Variants in ANKS1B observed in about 807,000 individuals in gnomAD.
The protein encoded by ANKS1B is ankyrin repeat and sterile alpha motif domain-containing protein 1B.
A neutral mutation model predicts 148.3 loss-of-function variants in ANKS1B; 36 were observed. That is an observed-to-expected ratio of 0.24 (90% CI 0.19 to 0.32). ANKS1B has a LOEUF of 0.32. Ranked by LOEUF, ANKS1B falls within the 10% of genes least tolerant of loss-of-function variation. ANKS1B has a pLI of 1.00. For missense variants in ANKS1B, 1,157 were observed against 1,542.6 expected (o/e 0.75, Z 4.19); for synonymous variants, 542 against 560.8 (o/e 0.97, Z 0.47).
intron 8 of ANKS1B, among the ~76,000 whole-genome samples, chr12:99,659,812 C>T (rs1340032256): frequency 2.0e-5 from 3 of 152,122 alleles, no homozygotes; most frequent in Non-Finnish European, 4.4e-5. Context: ...AAATGTTACT[C>T]GATTTGCAAG....
In ANKS1B at chr12:99,782,111, AG is replaced by A; in HGVS notation, c.670-15del. On this transcript the variant is annotated splice_polypyrimidine_tract_variant and intron_variant, in intron 4 of 26. Transcript: ENST00000683438. ...CCCCTTTTCTGTCTGGAAAAAAAAAAGTAAGAAAAAAGAAAGCACGGTTGCA... is the reference window on the plus strand; with the variant it reads ...CCCCTTTTCTGTCTGGAAAAAAAAAATAAGAAAAAAGAAAGCACGGTTGCA... 1 of 1,574,738 alleles carries A rather than the reference AG, an allele frequency of 6.4e-7. No homozygotes were observed.
intron 24 of ANKS1B, among the ~76,000 whole-genome samples, chr12:98,775,900 T>C (rs117966050): frequency 3.9e-5 from 6 of 152,336 alleles, no homozygotes; most frequent in African/African-American, 9.6e-5. Flanking sequence ...GTCTAAGCTA[T>C]AAGGAAAGCT....
At chr12:98,799,425 C>A (rs2098980629) in intron 21 of ANKS1B, among the ~76,000 whole-genome samples, 2 of 151,174 alleles carry the variant, frequency 1.3e-5, no homozygotes, top group Non-Finnish European at 2.9e-5. Flanking sequence ...GCTTATTCTG[C>A]TGCATAGGTA....
exon 10 of ANKS1B, chr12:98,735,280 T>C (rs1223091053): frequency 5.0e-6 from 2 of 399,896 alleles, no homozygotes; most frequent in Admixed American, 4.4e-5. Flanking sequence ...TTCATATATA[T>C]AATTTTTTTT....
chr12:99,409,289 C>T (rs2094611100), intron 11 of ANKS1B, among the ~76,000 whole-genome samples: 1 of 152,016 alleles, frequency 6.6e-6, no homozygotes, highest in African/African-American at 2.4e-5. Context: ...TTTGTAGGAA[C>T]TAGAAAAATT....
At chr12:99,724,589 G>C (rs1276835531) in intron 8 of ANKS1B, among the ~76,000 whole-genome samples, 1 of 152,124 alleles carries the variant, frequency 6.6e-6, no homozygotes. Flanking sequence ...ACTTCAGGAT[G>C]TTATCTAGGA....
At chr12:99,453,158 T>C (rs555834282) in intron 10 of ANKS1B, among the ~76,000 whole-genome samples, 14 of 152,066 alleles carry the variant, frequency 9.2e-5, no homozygotes, top group Admixed American at 3.9e-4. Context: ...GGCGTGGTGG[T>C]GGGTGCCTGT....
chr12:99,017,455 A>G (rs895552342), intron 17 of ANKS1B, among the ~76,000 whole-genome samples: 2 of 152,132 alleles, frequency 1.3e-5, no homozygotes, highest in Non-Finnish European at 2.9e-5. Flanking sequence ...TTACTCCTAT[A>G]GTTAACATTG....
At chr12:99,724,515 C>T (rs918595780) in intron 8 of ANKS1B, among the ~76,000 whole-genome samples, 17 of 151,912 alleles carry the variant, frequency 1.1e-4, no homozygotes, top group African/African-American at 1.9e-4. Flanking sequence ...GTAAAAAGAC[C>T]GAACCTACAA....
At chr12:98,896,155 G>T (rs1396954546) in intron 17 of ANKS1B, among the ~76,000 whole-genome samples, 1 of 152,134 alleles carries the variant, frequency 6.6e-6, no homozygotes, top group Non-Finnish European at 1.5e-5. Flanking sequence ...ATAAAGAAAT[G>T]GTTAACATTA....
intron 12 of ANKS1B, among the ~76,000 whole-genome samples, chr12:99,330,984 T>C (rs1400715954): frequency 6.6e-6 from 1 of 152,030 alleles, no homozygotes; most frequent in Non-Finnish European, 1.5e-5. Flanking sequence ...ACATCATTTT[T>C]ATACATTCGA....
chr12:98,739,158 T>C (rs1164696579), downstream of ANKS1B, among the ~76,000 whole-genome samples: 1 of 152,222 alleles, frequency 6.6e-6, no homozygotes, highest in Non-Finnish European at 1.5e-5. Context: ...CTGTCTCCAC[T>C]GGGTGACACT....
At chr12:99,554,294 G>A (rs1384408676) in intron 9 of ANKS1B, among the ~76,000 whole-genome samples, 1 of 152,176 alleles carries the variant, frequency 6.6e-6, no homozygotes, top group African/African-American at 2.4e-5. Flanking sequence ...GTGCAGAAGA[G>A]TGAGAGGAAT....
At position 99,703,212 on chromosome 12, in the gene ANKS1B, T is replaced by G. The variant is rs572545543; in HGVS notation, c.1129-48002A>C. On this transcript the variant is annotated intron_variant, in intron 8 of 26. Transcript: ENST00000683438. Reference sequence around the variant, plus strand: ...ATTGGCCTGACTTGAATTAGATCAATCTGAAATATTCCATTGTTGAGATGG... The same window carrying G: ...ATTGGCCTGACTTGAATTAGATCAAGCTGAAATATTCCATTGTTGAGATGG... 2.0e-5 allele frequency among the ~76,000 whole-genome samples: 3 copies of G among 152,272 alleles called. No homozygotes were observed. The South Asian group carries it at 6.2e-4, about 32-fold the overall frequency.
intron 13 of ANKS1B, among the ~76,000 whole-genome samples, chr12:99,245,360 G>C (rs2090077809): frequency 6.6e-6 from 1 of 152,114 alleles, no homozygotes; most frequent in African/African-American, 2.4e-5. Flanking sequence ...CCATCTACTA[G>C]TATGGAATTT....
chr12:98,805,059 T>G (rs2099039437), intron 20 of ANKS1B, among the ~76,000 whole-genome samples: 1 of 152,154 alleles, frequency 6.6e-6, no homozygotes, highest in African/African-American at 2.4e-5. Context: ...CTGTCATATT[T>G]TAAATTATTA....
intron 17 of ANKS1B, among the ~76,000 whole-genome samples, chr12:98,849,989 T>G (rs1019273588): frequency 6.6e-6 from 1 of 152,246 alleles, no homozygotes; most frequent in Non-Finnish European, 1.5e-5. Context: ...CTGGAGGATC[T>G]AAATTGATCA....
At chr12:99,155,994 T>C (rs997758191) in intron 14 of ANKS1B, among the ~76,000 whole-genome samples, 1 of 152,200 alleles carries the variant, frequency 6.6e-6, no homozygotes, top group African/African-American at 2.4e-5. Context: ...GATAACTCTC[T>C]CATCCCCCCA....
chr12:99,345,801 T>C (rs983091389), intron 12 of ANKS1B, among the ~76,000 whole-genome samples: 1 of 152,000 alleles, frequency 6.6e-6, no homozygotes, highest in African/African-American at 2.4e-5. Context: ...TGGCATCACC[T>C]GCGGAGCTGA....
Sources: gnomAD v4.1 joint callset for allele counts (sites outside exome capture counted in the v4.1 genomes callset) on GRCh38, gnomAD v4.1.1 for gene constraint, MANE v1.5 for transcripts, NCBI Gene and HGNC (gene_info 2026-07-23, HGNC 2026-07-21) for gene names.